The following DPM1 variants were observed in gnomAD, a reference collection of about 807,000 sequenced individuals.
DPM1 encodes dolichyl-phosphate mannosyltransferase subunit 1, catalytic.
A neutral mutation model predicts 39.0 loss-of-function variants in DPM1; 27 were observed. The observed-to-expected ratio is 0.69, with a 90% CI of 0.51 to 0.95. DPM1 has a LOEUF of 0.95. Among genes scored for constraint, DPM1 ranks in the 40% least tolerant of loss-of-function variants. The pLI, the probability that DPM1 is intolerant of heterozygous loss-of-function variation, is 0.00. For missense variants in DPM1, 307 were observed against 315.6 expected (o/e 0.97, Z 0.21); for synonymous variants, 124 against 109.0 (o/e 1.14, Z -0.86).
upstream of DPM1, chr20:50,958,536 C>G (rs892063167): frequency 1.9e-6 from 3 of 1,613,034 alleles, no homozygotes; most frequent in Non-Finnish European, 1.7e-6. Flanking sequence ...CGGAACTGAG[C>G]CAGATGCCGG....
At chr20:50,952,181 A>C (rs1250938780) in intron 2 of DPM1, among the ~76,000 whole-genome samples, 2 of 152,230 alleles carry the variant, frequency 1.3e-5, no homozygotes, top group African/African-American at 2.4e-5. Flanking sequence ...ATTCACATAA[A>C]GTGCTTGCAA....
intron 1 of DPM1, among the ~76,000 whole-genome samples, chr20:50,956,679 T>C (rs150398578): frequency 5.3e-5 from 8 of 151,882 alleles, no homozygotes; most frequent in East Asian, 3.9e-4. Flanking sequence ...TCTCCAAGAG[T>C]AGAACAATGA....
intron 7 of DPM1, 100 bp from the exon 8 acceptor site, chr20:50,936,362 CTTTCA>C: frequency 1.3e-6 from 1 of 755,480 alleles, no homozygotes; most frequent in South Asian, 1.6e-5. Context: ...AAGCCTAAAA[CTTTCA>C]CTGGCCATTG....
At chr20:50,942,173 A>C in intron 5 of DPM1, 47 bp from the exon 6 acceptor site, 1 of 1,524,802 alleles carries the variant, frequency 6.6e-7, no homozygotes. Flanking sequence ...CTGAGCTTTC[A>C]ACAGTCATTT....
At chr20:50,943,998 C>A (rs1057292261) in intron 5 of DPM1, among the ~76,000 whole-genome samples, 2 of 152,208 alleles carry the variant, frequency 1.3e-5, no homozygotes, top group Admixed American at 6.6e-5. Context: ...CCTCGGCCCC[C>A]CAAAGTGCTG....
chr20:50,950,772 A>G (rs1307346136), intron 2 of DPM1, among the ~76,000 whole-genome samples: 1 of 152,122 alleles, frequency 6.6e-6, no homozygotes, highest in African/African-American at 2.4e-5. Flanking sequence ...CAGGAGGCTG[A>G]GGTAGAAGAA....
rs1351216749 is a variant in DPM1 at position 50,945,908 on chromosome 20, T to C, written c.311A>G (p.His104Arg). 6.2e-7 allele frequency: 1 copy of C among 1,613,180 alleles called. No homozygotes were observed. Among genetic ancestry groups the C allele is most frequent in the Non-Finnish European group, 8.5e-7 (1 of 1,179,506 alleles). ...KKLGLGTAYIHGMKHATGNYI... is the reference protein window; with the variant it reads ...KKLGLGTAYIRGMKHATGNYI... ...GTTTCCTGTGGCATGTTTCATTCCA[T>C]GAATATATGCAGTTCCTAAAAATGA... Residue 104 changes from histidine (H) to arginine (R), a missense_variant, in exon 4 of 9, where the codon CAT becomes CGT. Physicochemically the swap from His to Arg is conservative, Grantham distance 29. Coordinates refer to ENST00000371588, the MANE Select transcript of DPM1 (RefSeq NM_003859.3).
At position 50,935,106 on chromosome 20, in the gene DPM1, C is replaced by G. The variant is rs541636297; in HGVS notation, c.*26G>C. The G allele has an allele frequency of 1.5e-6, 2 of 1,302,084 alleles. No individual in the cohort carries two copies. The highest frequency in any genetic ancestry group is 2.3e-5 in the East Asian group (1 of 43,202). 80.7% of individuals were successfully genotyped at this position (1,302,084 alleles called of 1,614,324 possible). A position where few individuals can be genotyped will look rare whatever the true frequency, so the allele number is the denominator to read the frequency against. On this transcript the variant is annotated 3_prime_UTR_variant, in exon 9 of 9. Coordinates refer to ENST00000371588, the MANE Select transcript of DPM1 (RefSeq NM_003859.3). Reference sequence around the variant, plus strand: ...TCTTTCATGTTTAACCTGAAATGAACGTAACTATAAATGAGTATCTTTCTT... The same window carrying G: ...TCTTTCATGTTTAACCTGAAATGAAGGTAACTATAAATGAGTATCTTTCTT...
chr20:50,935,805 C>T (rs188239618), intron 8 of DPM1, among the ~76,000 whole-genome samples: 2 of 152,200 alleles, frequency 1.3e-5, no homozygotes, highest in African/African-American at 2.4e-5. Context: ...ACATATGGAA[C>T]TCATCATTCA....
chr20:50,948,529 G>T, intron 3 of DPM1, 100 bp downstream of exon 3: 1 of 1,073,812 alleles, frequency 9.3e-7, no homozygotes, highest in Non-Finnish European at 1.5e-6. Flanking sequence ...ATCATAGGAA[G>T]TTACTGTATT....
intron 2 of DPM1, among the ~76,000 whole-genome samples, 194 bp from the exon 3 acceptor site, chr20:50,948,856 C>A (rs922641458): frequency 1.3e-5 from 2 of 151,624 alleles, no homozygotes; most frequent in Non-Finnish European, 2.9e-5. Flanking sequence ...AATAGTTTAA[C>A]GTAGCTAACA....
At chr20:50,947,148 C>T (rs1986336409) in intron 3 of DPM1, among the ~76,000 whole-genome samples, 1 of 152,146 alleles carries the variant, frequency 6.6e-6, no homozygotes, top group Non-Finnish European at 1.5e-5. Flanking sequence ...GCAGAGATCG[C>T]GGTGAGCCGA....
intron 7 of DPM1, among the ~76,000 whole-genome samples, chr20:50,938,634 C>T (rs1475762563): frequency 6.6e-6 from 1 of 150,522 alleles, no homozygotes; most frequent in Non-Finnish European, 1.5e-5. Context: ...CCTGCCTCGG[C>T]CTCCCCAAGT....
chr20:50,955,310 T>C (rs766009810), intron 1 of DPM1, 25 bp from the exon 2 acceptor site: 2 of 1,478,464 alleles, frequency 1.4e-6, no homozygotes, highest in Non-Finnish European at 1.9e-6. Flanking sequence ...TTTGTATTAA[T>C]GACTGATGAC....
intron 2 of DPM1, among the ~76,000 whole-genome samples, chr20:50,949,764 T>TG (rs11442321): frequency 1.7e-5 from 1 of 60,220 alleles, no homozygotes; most frequent in Non-Finnish European, 3.5e-5. Flanking sequence ...AAGCAGATGA[T>TG]TTTTTTTTTT....
intron 2 of DPM1, among the ~76,000 whole-genome samples, chr20:50,954,734 T>C (rs1986741697): frequency 6.6e-6 from 1 of 152,232 alleles, no homozygotes; most frequent in Admixed American, 6.5e-5. Flanking sequence ...AAGTCATTAA[T>C]GTTTCACAAG....
At chr20:50,941,265 A>ATATATATATATATATAT (rs1985749255) in intron 6 of DPM1, 10 of 107,336 alleles carry the variant, frequency 9.3e-5, no homozygotes, top group South Asian at 3.0e-4. Flanking sequence ...TATATATATA[A>ATATATATATATATATAT]ATAAAATACA....
At chr20:50,939,840 T>C (rs1985555878) in intron 7 of DPM1, among the ~76,000 whole-genome samples, 1 of 150,918 alleles carries the variant, frequency 6.6e-6, no homozygotes. Context: ...TTAAAACTCC[T>C]GACTTCAAGT....
chr20:50,954,711 C>CAAGT (rs1986740756), intron 2 of DPM1, among the ~76,000 whole-genome samples: 1 of 152,042 alleles, frequency 6.6e-6, no homozygotes, highest in African/African-American at 2.4e-5. Context: ...CTAAAAATGC[C>CAAGT]AAGTACTCTA....
Sources: gnomAD v4.1 joint callset for allele counts (sites outside exome capture counted in the v4.1 genomes callset) on GRCh38, gnomAD v4.1.1 for gene constraint, MANE v1.5 for transcripts, NCBI Gene and HGNC (gene_info 2026-07-23, HGNC 2026-07-21) for gene names.